The following IMMP2L variants were observed in gnomAD, a reference collection of about 807,000 sequenced individuals.
IMMP2L encodes the protein mitochondrial inner membrane protease subunit 2.
A neutral mutation model predicts 19.3 loss-of-function variants in IMMP2L; 18 were observed. That is an observed-to-expected ratio of 0.93 (90% CI 0.64 to 1.38). The LOEUF is 1.38. IMMP2L is among the 40% of genes most tolerant of loss of function. The pLI is 0.00. For missense variants in IMMP2L, 233 were observed against 218.2 expected, an observed-to-expected ratio of 1.07 and a Z score of -0.43; for synonymous variants, 76 against 73.0, an observed-to-expected ratio of 1.04 and a Z score of -0.21.
intron 3 of IMMP2L, among the ~76,000 whole-genome samples, chr7:111,114,953 G>GACAGGC (rs1379544453): frequency 3.3e-5 from 5 of 152,064 alleles, no homozygotes; most frequent in African/African-American, 1.2e-4. Context: ...TAATTTTACA[G>GACAGGC]ACAGGCATCA....
chr7:110,687,709 C>T lies in IMMP2L; in HGVS notation c.409-23988G>A, dbSNP rs747235478. Among the ~76,000 whole-genome samples the T allele has an allele frequency of 1.7e-4, 26 of 152,116 alleles. No homozygotes were observed. The East Asian group carries it at 2.3e-3, about 14-fold the overall frequency. ...TGATGAAATAGCCAAAGCATGTGTA[C>T]GTAAATAATTCTACTTATTTCTTTA... On this transcript the variant is annotated intron_variant, in intron 5 of 5. Transcript: ENST00000405709.
intron 3 of IMMP2L, among the ~76,000 whole-genome samples, chr7:111,302,521 G>A (rs752377181): frequency 6.6e-6 from 1 of 152,054 alleles, no homozygotes; most frequent in Non-Finnish European, 1.5e-5. Flanking sequence ...TGTGTGTGCA[G>A]GCACATGCGG....
chr7:111,191,180 G>T (rs752000309), intron 3 of IMMP2L, among the ~76,000 whole-genome samples: 90 of 152,050 alleles, frequency 5.9e-4, no homozygotes, highest in Non-Finnish European at 1.0e-3. Context: ...ATCATTTGCA[G>T]TATATTATTT....
intron 3 of IMMP2L, among the ~76,000 whole-genome samples, chr7:110,994,845 T>G (rs1027860763): frequency 6.6e-6 from 1 of 152,134 alleles, no homozygotes; most frequent in African/African-American, 2.4e-5. Flanking sequence ...AAGAAGGAGT[T>G]AAGCTTTAAC....
At chr7:111,006,908 T>C (rs1319569556) in intron 3 of IMMP2L, among the ~76,000 whole-genome samples, 2 of 152,186 alleles carry the variant, frequency 1.3e-5, no homozygotes, top group Non-Finnish European at 2.9e-5. Context: ...ATCTGCTGGA[T>C]ATATCAGCAC....
Position 110,953,429 on chromosome 7 carries a change from G to A in IMMP2L, c.305+10071C>T, listed in dbSNP as rs558779177. Among the ~76,000 whole-genome samples, 6 of 151,392 alleles carry A rather than the reference G, an allele frequency of 4.0e-5. No individual in the cohort carries two copies. In the South Asian group the frequency reaches 6.3e-4, roughly 16 times the overall value. ...TGAGAACATGCGGTGTTTGGTTTTCGGTTCTTGTGTTAGTTTGCTGAGAAT... is the reference window on the plus strand; with the variant it reads ...TGAGAACATGCGGTGTTTGGTTTTCAGTTCTTGTGTTAGTTTGCTGAGAAT... On this transcript the variant is annotated intron_variant, in intron 4 of 5. Transcript: ENST00000405709.
intron 5 of IMMP2L, among the ~76,000 whole-genome samples, chr7:110,686,187 G>A (rs143452581): frequency 1.6e-3 from 237 of 152,058 alleles, no homozygotes; most frequent in African/African-American, 5.6e-3. Flanking sequence ...CTGCTGATCA[G>A]TACCTGCTAA....
At chr7:110,787,135 C>T (rs1800134030) in intron 5 of IMMP2L, among the ~76,000 whole-genome samples, 1 of 151,914 alleles carries the variant, frequency 6.6e-6, no homozygotes. Context: ...GTCATAGTTA[C>T]CATGATAATG....
At chr7:110,927,614 A>G (rs1814996089) in intron 4 of IMMP2L, among the ~76,000 whole-genome samples, 1 of 152,162 alleles carries the variant, frequency 6.6e-6, no homozygotes, top group South Asian at 2.1e-4. Flanking sequence ...TATAAAGCCA[A>G]GGAGCCAAGG....
chr7:110,968,512 A>G (rs2129556229), intron 3 of IMMP2L, among the ~76,000 whole-genome samples: 1 of 152,206 alleles, frequency 6.6e-6, no homozygotes. Flanking sequence ...CGTCTCTACA[A>G]AAAATACAAA....
chr7:110,909,086 G>A (rs1402841416), intron 4 of IMMP2L, among the ~76,000 whole-genome samples: 2 of 152,080 alleles, frequency 1.3e-5, no homozygotes, highest in Non-Finnish European at 1.5e-5. Flanking sequence ...CAAAGTTTCA[G>A]GCAGATTGAG....
chr7:111,306,606 CTGTGTGTGTGTGTG>C lies in IMMP2L; in HGVS notation c.239+180618_239+180631del, dbSNP rs71147473. Among the ~76,000 whole-genome samples, 1,204 of 136,200 alleles carry C rather than the reference CTGTGTGTGTGTGTG, an allele frequency of 8.8e-3. 11 individuals carry two copies. The highest frequency in any genetic ancestry group is 0.03 in the South Asian group (116 of 3,854). 89.4% of individuals were successfully genotyped at this position (136,200 alleles called of 152,430 possible). A position where few individuals can be genotyped will look rare whatever the true frequency, so the allele number is the denominator to read the frequency against. On this transcript the variant is annotated intron_variant, in intron 3 of 5. Transcript: ENST00000405709. ...AGATCACATTGATTATCACTGGACT[CTGTGTGTGTGTGTG>C]TGTGTGTGTGTGTGTGTGTGTGTGT...
chr7:110,989,678 A>G, intron 3 of IMMP2L, among the ~76,000 whole-genome samples: 1 of 150,908 alleles, frequency 6.6e-6, no homozygotes, highest in East Asian at 1.9e-4. Flanking sequence ...TAAAAATATT[A>G]ATATATAACT....
At chr7:111,493,630 G>C (rs536826453) in intron 2 of IMMP2L, among the ~76,000 whole-genome samples, 1 of 148,030 alleles carries the variant, frequency 6.8e-6, no homozygotes, top group Non-Finnish European at 1.5e-5. Context: ...GCGTGAACCC[G>C]GGAGGCGGAG....
At chr7:111,286,875 G>A (rs1220192187) in intron 3 of IMMP2L, among the ~76,000 whole-genome samples, 1 of 152,082 alleles carries the variant, frequency 6.6e-6, no homozygotes, top group Non-Finnish European at 1.5e-5. Context: ...GAATGATTTA[G>A]GGATACACAC....
intron 1 of IMMP2L, among the ~76,000 whole-genome samples, chr7:111,547,991 G>A (rs1015758896): frequency 6.6e-6 from 1 of 152,008 alleles, no homozygotes; most frequent in African/African-American, 2.4e-5. Context: ...CAAAGTGCTG[G>A]GATTACAGGT....
intron 3 of IMMP2L, among the ~76,000 whole-genome samples, chr7:111,233,899 C>T (rs1022393541): frequency 6.6e-6 from 1 of 151,924 alleles, no homozygotes; most frequent in East Asian, 1.9e-4. Context: ...TTTTACACAT[C>T]AATTGTTTTG....
chr7:111,027,728 G>C (rs1259774217), intron 3 of IMMP2L, among the ~76,000 whole-genome samples: 2 of 151,890 alleles, frequency 1.3e-5, no homozygotes, highest in African/African-American at 4.8e-5. Context: ...CTATGTACAG[G>C]GAAGTCTAAT....
chr7:111,378,143 G>T (rs1302115518), intron 3 of IMMP2L, among the ~76,000 whole-genome samples: 1 of 151,822 alleles, frequency 6.6e-6, no homozygotes, highest in Non-Finnish European at 1.5e-5. Flanking sequence ...AATGTAGTTT[G>T]GCAGGTAATA....
Sources: allele counts gnomAD v4.1 joint callset (sites outside exome capture counted in the v4.1 genomes callset), GRCh38; gene constraint gnomAD v4.1.1; transcripts MANE v1.5; gene names NCBI Gene and HGNC (gene_info 2026-07-23, HGNC 2026-07-21).